Variants in NCAM2 observed in about 807,000 individuals in gnomAD.
The protein encoded by NCAM2 is N-CAM-2.
NCAM2 carries 30 observed loss-of-function variants against 98.1 expected under a neutral mutation model. That is an observed-to-expected ratio of 0.31 (90% confidence interval 0.23 to 0.41). The LOEUF (loss-of-function observed/expected upper bound fraction) is 0.41, where lower values mean the gene tolerates loss of function less well. Ranked by LOEUF, NCAM2 falls within the 10% of genes least tolerant of loss-of-function variation. The pLI, the probability that NCAM2 is intolerant of heterozygous loss-of-function variation, is 1.00. For synonymous variants in NCAM2, 368 were observed against 342.4 expected (o/e 1.07, Z -0.83); for missense variants, 867 against 1,005.8 (o/e 0.86, Z 1.87).
intron 1 of NCAM2, among the ~76,000 whole-genome samples, chr21:21,062,316 T>C (rs1489956814): frequency 6.6e-6 from 1 of 152,208 alleles, no homozygotes; most frequent in African/African-American, 2.4e-5. Context: ...TGCTTTTTTT[T>C]CGCCTAAGTA....
intron 17 of NCAM2, 21 bp downstream of exon 17, chr21:21,534,677 A>C: frequency 6.5e-7 from 1 of 1,547,212 alleles, no homozygotes; most frequent in Non-Finnish European, 8.7e-7. Flanking sequence ...TGGAGTGCTC[A>C]CTTATGTTCA....
chr21:21,229,733 TA>T (rs550877000), intron 1 of NCAM2, among the ~76,000 whole-genome samples: 34 of 151,524 alleles, frequency 2.2e-4, no homozygotes, highest in African/African-American at 8.0e-4. Flanking sequence ...AGTCCCTAAC[TA>T]GTTCAATAAG....
chr21:21,452,019 C>G (rs1389132308), intron 12 of NCAM2, among the ~76,000 whole-genome samples: 1 of 152,038 alleles, frequency 6.6e-6, no homozygotes, highest in Non-Finnish European at 1.5e-5. Flanking sequence ...GTCCTGCCTA[C>G]TCTATTTCTT....
rs1004679392 is a variant in NCAM2, at chr21:21,376,132, A to G, written c.1195+2119A>G. 2.6e-5 allele frequency among the ~76,000 whole-genome samples: 4 copies of G among 151,912 alleles called. No homozygotes were observed. The East Asian group carries it at 7.7e-4, about 29-fold the overall frequency. ...AGTTATAAGATAAGAGGGTTTAAAG[A>G]AGAGACTGTTGGGACCTATTTATAC... is the stretch of plus-strand genomic sequence containing the variant. On this transcript the variant is annotated intron_variant, in intron 9 of 17. Coordinates refer to ENST00000400546, the MANE Select transcript of NCAM2 (RefSeq NM_004540.5).
In NCAM2 at chr21:21,239,681, T is replaced by TC. The variant is rs1424880261; in HGVS notation, c.56-40896dup. Among the ~76,000 whole-genome samples the TC allele has an allele frequency of 2.0e-5, 3 of 152,268 alleles. No homozygotes were observed. The East Asian group carries it at 5.8e-4, about 29-fold the overall frequency. On this transcript the variant is annotated intron_variant, in intron 1 of 17. Coordinates refer to ENST00000400546, the MANE Select transcript of NCAM2 (RefSeq NM_004540.5). ...TTCCTAAAAGGTGGAATTTTTTTTT[T>TC]CTCTGCTCTTAAAGCACATTTTATC...
At chr21:21,109,458 C>G (rs2066412291) in intron 1 of NCAM2, among the ~76,000 whole-genome samples, 2 of 151,932 alleles carry the variant, frequency 1.3e-5, no homozygotes, top group African/African-American at 4.8e-5. Flanking sequence ...AAAAAGTAAA[C>G]TTTTTTGCTT....
At chr21:21,495,859 A>G (rs1183861885) in intron 15 of NCAM2, among the ~76,000 whole-genome samples, 2 of 151,752 alleles carry the variant, frequency 1.3e-5, no homozygotes, top group Non-Finnish European at 2.9e-5. Flanking sequence ...ACTAATTTAT[A>G]TGCTTCTCCC....
At chr21:21,303,936 A>G (rs961594742) in intron 5 of NCAM2, among the ~76,000 whole-genome samples, 1 of 152,150 alleles carries the variant, frequency 6.6e-6, no homozygotes, top group African/African-American at 2.4e-5. Flanking sequence ...TGTCTTTTCA[A>G]ATATTTAACG....
rs1348295320 is a variant in NCAM2, at chr21:21,057,899, C to G, written c.55+59281C>G. On this transcript the variant is annotated intron_variant, in intron 1 of 17. Coordinates refer to ENST00000400546, the MANE Select transcript of NCAM2 (RefSeq NM_004540.5). ...TCCCTCACGTTAACTTTCCCTACCCCTTATGGAGACTCCAATACCTGTCTC... is the reference window on the plus strand; with the variant it reads ...TCCCTCACGTTAACTTTCCCTACCCGTTATGGAGACTCCAATACCTGTCTC... Among the ~76,000 whole-genome samples the G allele has an allele frequency of 2.6e-5, 4 of 152,114 alleles. No homozygotes were observed. The South Asian group carries it at 8.3e-4, about 32-fold the overall frequency.
At chr21:21,197,892 AG>A (rs1419780409) in intron 1 of NCAM2, among the ~76,000 whole-genome samples, 1 of 152,212 alleles carries the variant, frequency 6.6e-6, no homozygotes, top group East Asian at 1.9e-4. Context: ...TGAAATGGAC[AG>A]CATTGCACCT....
At chr21:21,236,183 C>G (rs1011812021) in intron 1 of NCAM2, among the ~76,000 whole-genome samples, 1 of 151,562 alleles carries the variant, frequency 6.6e-6, no homozygotes, top group South Asian at 2.1e-4. Context: ...ATAAATAAAG[C>G]GCTTCCTATC....
intron 15 of NCAM2, among the ~76,000 whole-genome samples, chr21:21,506,701 C>T (rs1010183178): frequency 4.6e-5 from 7 of 151,946 alleles, no homozygotes; most frequent in Admixed American, 3.3e-4. Flanking sequence ...ATAGTTCTGT[C>T]GAAACCAGAA....
At chr21:21,115,009 C>CG (rs963029618) in intron 1 of NCAM2, among the ~76,000 whole-genome samples, 9 of 151,830 alleles carry the variant, frequency 5.9e-5, no homozygotes, top group African/African-American at 2.2e-4. Flanking sequence ...TTAGTAGAGA[C>CG]GGGGTTTCAC....
rs116619758 is a variant in NCAM2, at chr21:21,081,316, C to A, written c.55+82698C>A. 2.9e-3 allele frequency among the ~76,000 whole-genome samples: 438 copies of A among 152,236 alleles called. 3 individuals carry two copies. The highest frequency in any genetic ancestry group is 0.01 in the African/African-American group (428 of 41,542). On this transcript the variant is annotated intron_variant, in intron 1 of 17. Coordinates refer to ENST00000400546, the MANE Select transcript of NCAM2 (RefSeq NM_004540.5). ...GAAGCTACTGAGTTTCAGGTGTTTTCTATCTATTGGGAGAGTGCCTTTCCC... is the reference window on the plus strand; with the variant it reads ...GAAGCTACTGAGTTTCAGGTGTTTTATATCTATTGGGAGAGTGCCTTTCCC...
intron 14 of NCAM2, among the ~76,000 whole-genome samples, chr21:21,473,368 GTATAAATATATA>G (rs1984713085): frequency 2.1e-5 from 2 of 93,036 alleles, no homozygotes; most frequent in Non-Finnish European, 4.6e-5. Context: ...CAAAATATAT[GTATAAATATATA>G]TATATATATA....
chr21:21,186,615 AATTTAT>A (rs1208554750), intron 1 of NCAM2, among the ~76,000 whole-genome samples: 2 of 152,154 alleles, frequency 1.3e-5, no homozygotes, highest in East Asian at 1.9e-4. Flanking sequence ...TGTTTAAAAT[AATTTAT>A]ATTTAGTAAA....
chr21:21,391,082 G>T (rs892036498), intron 9 of NCAM2, among the ~76,000 whole-genome samples: 10 of 152,102 alleles, frequency 6.6e-5, no homozygotes, highest in African/African-American at 2.4e-4. Flanking sequence ...GTCGAGTGTG[G>T]TAGTGCATGC....
chr21:21,355,542 G>C (rs916586178), intron 8 of NCAM2, among the ~76,000 whole-genome samples: 4 of 143,620 alleles, frequency 2.8e-5, no homozygotes, highest in Admixed American at 1.4e-4. Context: ...GGGAGGGAGA[G>C]AGGGAGGGAC....
intron 1 of NCAM2, among the ~76,000 whole-genome samples, chr21:21,178,220 A>T (rs1266442858): frequency 2.0e-5 from 3 of 152,164 alleles, no homozygotes; most frequent in Non-Finnish European, 4.4e-5. Context: ...GAATTAATTT[A>T]TCTATATTTT....
Sources: gnomAD v4.1 joint callset for allele counts (sites outside exome capture counted in the v4.1 genomes callset) on GRCh38, gnomAD v4.1.1 for gene constraint, MANE v1.5 for transcripts, NCBI Gene and HGNC (gene_info 2026-07-23, HGNC 2026-07-21) for gene names.